Variants in TCF4 observed in about 807,000 individuals in gnomAD.
TCF4 encodes SL3-3 enhancer factor 2.
Under a neutral mutation model 82.1 loss-of-function variants are expected in TCF4, and 3 were observed. That is an observed-to-expected ratio of 0.04 (90% CI 0.02 to 0.09). The LOEUF (loss-of-function observed/expected upper bound fraction) is 0.09, where lower values mean the gene tolerates loss of function less well. TCF4 is among the 10% of genes least tolerant of loss of function. TCF4 has a pLI of 1.00. For missense variants in TCF4, 518 were observed against 852.7 expected (o/e 0.61, Z 4.89); for synonymous variants, 276 against 309.6 (o/e 0.89, Z 1.14).
chr18:55,367,282 A>G (rs1388851177), intron 6 of TCF4, among the ~76,000 whole-genome samples: 1 of 152,178 alleles, frequency 6.6e-6, no homozygotes, highest in Non-Finnish European at 1.5e-5. Context: ...TATAAAAACA[A>G]TTGATATTAA....
chr18:55,293,478 T>A (rs944600220), intron 8 of TCF4, among the ~76,000 whole-genome samples: 2 of 152,076 alleles, frequency 1.3e-5, no homozygotes, highest in African/African-American at 4.8e-5. Context: ...CAAAATGTCT[T>A]AAGAGAGCCA....
At chr18:55,255,472 T>C (rs2056570333) in intron 14 of TCF4, among the ~76,000 whole-genome samples, 1 of 152,174 alleles carries the variant, frequency 6.6e-6, no homozygotes, top group Non-Finnish European at 1.5e-5. Flanking sequence ...AACCAACCTT[T>C]GTTCATCCTT....
intron 5 of TCF4, among the ~76,000 whole-genome samples, chr18:55,458,487 T>C (rs1369819126): frequency 6.6e-5 from 10 of 152,266 alleles, no homozygotes; most frequent in South Asian, 2.1e-4. Context: ...CCTACACCAA[T>C]AGATCTTACT....
intron 3 of TCF4, among the ~76,000 whole-genome samples, chr18:55,522,784 G>A (rs1290864877): frequency 6.6e-6 from 1 of 152,020 alleles, no homozygotes; most frequent in East Asian, 1.9e-4. Context: ...ATTATTTTGT[G>A]GGAGTGTTTA....
At chr18:55,621,883 T>TA (rs2097720870) in intron 2 of TCF4, among the ~76,000 whole-genome samples, 1 of 107,246 alleles carries the variant, frequency 9.3e-6, no homozygotes, top group East Asian at 2.5e-4. Flanking sequence ...ATATATAATA[T>TA]ATACATTATA....
At chr18:55,510,705 C>T (rs991783381) in intron 3 of TCF4, 4 of 1,433,272 alleles carry the variant, frequency 2.8e-6, no homozygotes, top group Non-Finnish European at 3.7e-6. Context: ...CTTTAAAAGG[C>T]CTTTCTTTTA....
chr18:55,545,692 T>A (rs921298133), intron 3 of TCF4, among the ~76,000 whole-genome samples: 5 of 152,140 alleles, frequency 3.3e-5, no homozygotes, highest in African/African-American at 1.2e-4. Context: ...TCAGGTAATC[T>A]GCCTGCCTCG....
At chr18:55,350,254 G>T (rs1025627233) in intron 8 of TCF4, 105 bp downstream of exon 8, 4 of 1,198,402 alleles carry the variant, frequency 3.3e-6, no homozygotes, top group East Asian at 2.5e-5. Context: ...CTAGATAAAC[G>T]TGCTGCTCTG....
intron 6 of TCF4, among the ~76,000 whole-genome samples, chr18:55,385,627 C>T (rs889594965): frequency 6.6e-6 from 1 of 152,196 alleles, no homozygotes. Flanking sequence ...TCTCGAACTC[C>T]TGGCCTCAGG....
intron 8 of TCF4, among the ~76,000 whole-genome samples, chr18:55,292,021 C>T (rs2065216710): frequency 6.6e-6 from 1 of 152,078 alleles, no homozygotes; most frequent in South Asian, 2.1e-4. Context: ...TTAAGAAGGG[C>T]AATAATATTC....
intron 8 of TCF4, among the ~76,000 whole-genome samples, chr18:55,307,167 G>T (rs932916237): frequency 2.6e-5 from 4 of 152,162 alleles, no homozygotes; most frequent in African/African-American, 9.7e-5. Context: ...TTATAAAGCA[G>T]CAACAAACTC....
intron 3 of TCF4, among the ~76,000 whole-genome samples, chr18:55,560,346 A>G (rs1198609201): frequency 6.6e-6 from 1 of 152,250 alleles, no homozygotes; most frequent in South Asian, 2.1e-4. Context: ...CATAATTCTA[A>G]TAAGGGTATT....
chr18:55,541,010 A>T (rs2097160810), intron 3 of TCF4, among the ~76,000 whole-genome samples: 1 of 152,034 alleles, frequency 6.6e-6, no homozygotes, highest in Non-Finnish European at 1.5e-5. Flanking sequence ...ATGTAAAAAA[A>T]TTATCTCTTT....
intron 5 of TCF4, among the ~76,000 whole-genome samples, chr18:55,443,438 C>T (rs1409237513): frequency 1.3e-5 from 2 of 152,196 alleles, no homozygotes; most frequent in Admixed American, 6.5e-5. Context: ...ACATAACCTT[C>T]AGCACCTGTA....
intron 3 of TCF4, among the ~76,000 whole-genome samples, chr18:55,476,958 GCATA>G (rs1385294251): frequency 6.6e-6 from 1 of 152,076 alleles, no homozygotes; most frequent in Non-Finnish European, 1.5e-5. Context: ...TGTAAAATCA[GCATA>G]CACACACACA....
rs1749090357 is a variant in TCF4, at chr18:55,276,696, T to C, written c.656-944A>G. On this transcript the variant is annotated intron_variant, in intron 9 of 19. Transcript: ENST00000354452. ...TGTTTCAATAGTTTAACAAAAAGTATTGAGTACTAGGTATACACTAGGCCA... is the reference window on the plus strand; with the variant it reads ...TGTTTCAATAGTTTAACAAAAAGTACTGAGTACTAGGTATACACTAGGCCA... 2.6e-5 allele frequency among the ~76,000 whole-genome samples: 4 copies of C among 152,200 alleles called. No individual in the cohort carries two copies. In the South Asian group the frequency reaches 8.3e-4, roughly 32 times the overall value.
chr18:55,574,160 T>C (rs1195312588), intron 3 of TCF4, among the ~76,000 whole-genome samples: 2 of 152,164 alleles, frequency 1.3e-5, no homozygotes, highest in Non-Finnish European at 2.9e-5. Flanking sequence ...AGGGCCAATT[T>C]CCATAAGCAT....
intron 3 of TCF4, among the ~76,000 whole-genome samples, chr18:55,525,105 C>T (rs2146578125): frequency 6.6e-6 from 1 of 152,156 alleles, no homozygotes; most frequent in Middle Eastern, 3.4e-3. Context: ...AATCAGCCCC[C>T]TTTAATTTCC....
At chr18:55,422,268 T>A in intron 5 of TCF4, 1 of 985,062 alleles carries the variant, frequency 1.0e-6, no homozygotes, top group South Asian at 4.7e-5. Context: ...AAAAAGCATG[T>A]GGATGAATAA....
Sources: gnomAD v4.1 joint callset for allele counts (sites outside exome capture counted in the v4.1 genomes callset) on GRCh38, gnomAD v4.1.1 for gene constraint, MANE v1.5 for transcripts, NCBI Gene and HGNC (gene_info 2026-07-23, HGNC 2026-07-21) for gene names.